SPATA31C2: variants seen among roughly 807,000 people sequenced by gnomAD.
SPATA31C2 encodes spermatogenesis-associated protein 31C2.
A neutral mutation model predicts 11.4 loss-of-function variants in SPATA31C2; 5 were observed. The ratio of observed to expected loss-of-function variants is 0.44; its 90% CI spans 0.23 to 0.92. The LOEUF is 0.92. SPATA31C2 is among the 40% of genes least tolerant of loss of function. The probability of loss-of-function intolerance (pLI) is 0.24; values close to 1 mark genes in which losing one functional copy is unlikely to be tolerated. For synonymous variants in SPATA31C2, 515 were observed against 538.7 expected (o/e 0.96, Z 0.61); for missense variants, 1,353 against 1,368.6 (o/e 0.99, Z 0.18).
In SPATA31C2 at chr9:88,133,942, A is replaced by G. The variant is rs886406741; in HGVS notation, c.190-273T>C. On this transcript the variant is annotated intron_variant, in intron 1 of 3. Coordinates refer to ENST00000324915, the MANE Select transcript of SPATA31C2 (RefSeq NM_001350978.3). The stretch of plus-strand genomic sequence containing the variant: ...GAGGCTGAGGCAGGTGGATCACCTG[A>G]GGTCAAGAGTTTGAGACCAGCCTAG... 5.9e-5 allele frequency among the ~76,000 whole-genome samples: 9 copies of G among 152,136 alleles called. No individual in the cohort carries two copies. In the South Asian group the frequency reaches 6.2e-4, roughly 11 times the overall value.
Position 88,130,700 on chromosome 9 carries a change from G to C in SPATA31C2, c.2337C>G (p.Gly779=), listed in dbSNP as rs1303700721. Reference sequence around the variant, plus strand: ...CTAAGCTCCTGCTCTGCTGGGTGCTGCCTGTGAGGCTGTATGTGAGGGGCT... The same window carrying C: ...CTAAGCTCCTGCTCTGCTGGGTGCTCCCTGTGAGGCTGTATGTGAGGGGCT... ...PSKPLTYSLT[G]STQQSRSLGA... is the part of the protein sequence containing the mutation. Residue 779 remains glycine, a synonymous_variant, in exon 4 of 4, where the codon GGC becomes GGG. Coordinates refer to ENST00000324915, the MANE Select transcript of SPATA31C2 (RefSeq NM_001350978.3). 2 of 1,613,934 alleles carry C rather than the reference G, an allele frequency of 1.2e-6. No individual in the cohort carries two copies. The highest frequency in any genetic ancestry group is 4.5e-5 in the East Asian group (2 of 44,860).
chr9:88,131,927 G>T lies in SPATA31C2; in HGVS notation c.1110C>A (p.Ser370=). ...AAGCTACTCCAGTGTTCTTCATCGG[G>T]GATAGAAAAGCAGGAGATAGGACTG... is the stretch of plus-strand genomic sequence containing the variant. The part of the protein sequence containing the change: ...SFPVLSPAFL[S]PMKNTGVACP... Residue 370 remains serine (S), a synonymous_variant, in exon 4 of 4, where the codon TCC becomes TCA. Transcript: ENST00000324915. 6.2e-7 allele frequency: 1 copy of T among 1,610,522 alleles called. No individual in the cohort carries two copies. The highest frequency in any genetic ancestry group is 1.9e-4 in the Middle Eastern group (1 of 5,130).
In SPATA31C2 at chr9:88,130,275, A is replaced by C; in HGVS notation, c.2762T>G (p.Leu921Arg). The C allele has an allele frequency of 6.2e-7, 1 of 1,609,408 alleles. No individual in the cohort carries two copies. The highest frequency in any genetic ancestry group is 8.5e-7 in the Non-Finnish European group (1 of 1,178,648). Residue 921 changes from leucine to arginine, a missense_variant, in exon 4 of 4, where the codon CTC (leucine) becomes CGC (arginine). Leu to Arg is a moderately radical substitution (Grantham distance 102). Coordinates refer to ENST00000324915, the MANE Select transcript of SPATA31C2 (RefSeq NM_001350978.3). ...CATGTTACTCCTTCTGGCTGACATGAGGTCACATAGCTCCTGGGAAGCCTG... is the reference window on the plus strand; with the variant it reads ...CATGTTACTCCTTCTGGCTGACATGCGGTCACATAGCTCCTGGGAAGCCTG... ...NMQASQELCD[L>R]MSARRSNMGH...
At position 88,129,746 on chromosome 9, in the gene SPATA31C2, T is replaced by A. The variant is rs1310054508; in HGVS notation, c.3291A>T (p.Arg1097Ser). 2.5e-6 allele frequency: 4 copies of A among 1,603,722 alleles called. No individual in the cohort carries two copies. In the African/African-American group the frequency reaches 5.4e-5, roughly 21 times the overall value. ...TGCTGTGTTCTGAGTAGAACGGGTG[T>A]CTGTGGTTGCAGGGAAACCCACAGA... is the stretch of plus-strand genomic sequence containing the variant. ...APVCGFPCNH[R>S]HPFYSEHSRM... Residue 1097 changes from arginine to serine, a missense_variant, in exon 4 of 4, where the codon AGA becomes AGT. Arg to Ser is a moderately radical substitution (Grantham distance 110). Around this residue, in one of 6 missense-constraint regions of SPATA31C2, gnomAD observed 187 missense variants for 205.8 expected, o/e 0.91. Transcript: ENST00000324915.
rs765524763 is a variant in SPATA31C2 at position 88,130,396 on chromosome 9, G to T, written c.2641C>A (p.Pro881Thr). 1.2e-6 allele frequency: 2 copies of T among 1,611,716 alleles called. No individual in the cohort carries two copies. Among genetic ancestry groups the T allele is most frequent in the African/African-American group, 1.3e-5 (1 of 74,956 alleles). The part of the protein sequence containing the change: ...PQVSATVVLL[P>T]DGQASVVPHA... The stretch of plus-strand genomic sequence containing the variant: ...GGCACAACAGATGCTTGCCCATCTG[G>T]AAGGAGCACAACAGTGGCAGAAACT... The change falls in exon 4 of 4, where the codon CCA becomes ACA. Residue 881 changes from proline (P) to threonine (T), a missense_variant. Pro to Thr is a conservative substitution (Grantham distance 38, BLOSUM62 -1). This residue lies in a region of SPATA31C2 where 1,075 missense variants were observed against 992.8 expected (regional missense o/e 1.08). Transcript: ENST00000324915.
At chr9:88,135,763 C>T (rs1465620243) in intron 1 of SPATA31C2, among the ~76,000 whole-genome samples, 20 of 136,816 alleles carry the variant, frequency 1.5e-4, no homozygotes, top group African/African-American at 4.7e-4. Context: ...GTGATCTGCC[C>T]GCCTCTGCCT....
rs771362683 is a variant in SPATA31C2 at position 88,131,319 on chromosome 9, T to C, written c.1718A>G (p.Glu573Gly). 2.5e-6 allele frequency: 4 copies of C among 1,611,900 alleles called. No homozygotes were observed. Among genetic ancestry groups the C allele is most frequent in the Non-Finnish European group, 2.5e-6 (3 of 1,179,862 alleles). ...GCTCATGTGGGCTTTCAGGATGTTTTCTATATGATTCCTCTCTGTGCGTCT... is the reference window on the plus strand; with the variant it reads ...GCTCATGTGGGCTTTCAGGATGTTTCCTATATGATTCCTCTCTGTGCGTCT... ...LLRRTERNHIENILKAHMSRK... is the reference protein window; with the variant it reads ...LLRRTERNHIGNILKAHMSRK... Residue 573 changes from glutamate to glycine, a missense_variant, in exon 4 of 4, where the codon GAA becomes GGA. Around this residue, in one of 6 missense-constraint regions of SPATA31C2, gnomAD observed 1,075 missense variants for 992.8 expected, o/e 1.08. Transcript: ENST00000324915.
Position 88,130,431 on chromosome 9 carries a change from G to A in SPATA31C2, c.2606C>T (p.Thr869Ile). ...FEPGKATKSETQPQVSATVVL... is the reference protein window; with the variant it reads ...FEPGKATKSEIQPQVSATVVL... ...AACAGTGGCAGAAACTTGAGGCTGG[G>A]TCTCTGACTTCGTGGCCTTTCCAGG... Residue 869 changes from threonine (T) to isoleucine (I), a missense_variant, in exon 4 of 4, where the codon ACC (threonine) becomes ATC (isoleucine). Thr to Ile is a moderately conservative substitution (Grantham distance 89, BLOSUM62 -1). Around this residue, in one of 6 missense-constraint regions of SPATA31C2, gnomAD observed 1,075 missense variants for 992.8 expected, o/e 1.08. Coordinates refer to ENST00000324915, the MANE Select transcript of SPATA31C2 (RefSeq NM_001350978.3). The A allele has an allele frequency of 6.2e-7, 1 of 1,612,976 alleles. No individual in the cohort carries two copies. The highest frequency in any genetic ancestry group is 1.1e-5 in the South Asian group (1 of 91,038).
chr9:88,130,980 G>A lies in SPATA31C2; in HGVS notation c.2057C>T (p.Ala686Val). 6.2e-7 allele frequency: 1 copy of A among 1,612,696 alleles called. No homozygotes were observed. The highest frequency in any genetic ancestry group is 2.2e-5 in the East Asian group (1 of 44,870). Residue 686 changes from alanine to valine, a missense_variant, in exon 4 of 4, where the codon GCT becomes GTT. Around this residue, in one of 6 missense-constraint regions of SPATA31C2, gnomAD observed 1,075 missense variants for 992.8 expected, o/e 1.08. Coordinates refer to ENST00000324915, the MANE Select transcript of SPATA31C2 (RefSeq NM_001350978.3). ...TTCGCAGGTGTCTGAGGAGGGACCAGCAAGCTGTATAAGGGACAAGGATGA... is the reference window on the plus strand; with the variant it reads ...TTCGCAGGTGTCTGAGGAGGGACCAACAAGCTGTATAAGGGACAAGGATGA... ...KVSSLSLIQL[A>V]GPSSDTCESG...
chr9:88,131,950 C>A lies in SPATA31C2; in HGVS notation c.1087G>T (p.Val363Phe), dbSNP rs779742712. 3.7e-6 allele frequency: 6 copies of A among 1,610,844 alleles called. No individual in the cohort carries two copies. In the African/African-American group the frequency reaches 8.0e-5, roughly 22 times the overall value. ...AQAHLQSSFPVLSPAFLSPMK... is the reference protein window; with the variant it reads ...AQAHLQSSFPFLSPAFLSPMK... ...GGGGATAGAAAAGCAGGAGATAGGACTGGGAAAGAGGATTGAAGATGGGCC... is the reference window on the plus strand; with the variant it reads ...GGGGATAGAAAAGCAGGAGATAGGAATGGGAAAGAGGATTGAAGATGGGCC... Residue 363 changes from valine to phenylalanine, a missense_variant, in exon 4 of 4, where the codon GTC (valine) becomes TTC (phenylalanine). By Grantham distance (50) the Val-to-Phe change is conservative. Transcript: ENST00000324915.
In SPATA31C2 at chr9:88,131,611, A is replaced by G. The variant is rs748301251; in HGVS notation, c.1426T>C (p.Leu476=). ...SLDLMQLQDE[L]PGTSQAKGKP... is the part of the protein sequence containing the mutation. ...CCCTTGGCCTGACTTGTCCCTGGCA[A>G]TTCATCCTGAAGCTGCATCAGATCC... Residue 476 remains leucine (L), a synonymous_variant, in exon 4 of 4, where the codon TTG becomes CTG. Coordinates refer to ENST00000324915, the MANE Select transcript of SPATA31C2 (RefSeq NM_001350978.3). The G allele has an allele frequency of 2.0e-5, 33 of 1,611,900 alleles. No individual in the cohort carries two copies. The South Asian group carries it at 3.1e-4, about 15-fold the overall frequency.
In SPATA31C2 at chr9:88,130,010, A is replaced by G. The variant is rs766486933; in HGVS notation, c.3027T>C (p.Phe1009=). 16 of 1,608,786 alleles carry G rather than the reference A, an allele frequency of 9.9e-6. No homozygotes were observed. The highest frequency in any genetic ancestry group is 1.4e-5 in the Non-Finnish European group (16 of 1,176,794). The change falls in exon 4 of 4, where the codon TTT becomes TTC. Residue 1009 remains phenylalanine (F), a synonymous_variant. Transcript: ENST00000324915. ...GAAAAAATTGCTTGATGTTTTCTCC[A>G]AAGTGGCTTATTGAAGGAGGCTGTT... The part of the protein sequence containing the change: ...SKKQPPSISH[F]GENIKQFFQT...
chr9:88,132,533 A>G lies in SPATA31C2; in HGVS notation c.504T>C (p.Pro168=). ...GTGGTGGGGTGGAGGCCAGATCCTGAGGATGCTTGGTTCGAGGATCCGGGG... is the reference window on the plus strand; with the variant it reads ...GTGGTGGGGTGGAGGCCAGATCCTGGGGATGCTTGGTTCGAGGATCCGGGG... ...LASPDPRTKH[P]QDLASTPPPG... is the part of the protein sequence containing the mutation. The change falls in exon 4 of 4, where the codon CCT becomes CCC. Residue 168 remains proline (P), a synonymous_variant. Transcript: ENST00000324915. 1 of 1,610,734 alleles carries G rather than the reference A, an allele frequency of 6.2e-7. No homozygotes were observed. Among genetic ancestry groups the G allele is most frequent in the Non-Finnish European group, 8.5e-7 (1 of 1,177,870 alleles).
Position 88,130,443 on chromosome 9 carries a change from G to C in SPATA31C2, c.2594C>G (p.Thr865Arg), listed in dbSNP as rs747234593. 2.5e-6 allele frequency: 4 copies of C among 1,613,116 alleles called. No homozygotes were observed. Among genetic ancestry groups the C allele is most frequent in the Non-Finnish European group, 3.4e-6 (4 of 1,179,512 alleles). Reference protein sequence around the residue: ...AVSEFEPGKATKSETQPQVSA... With the variant: ...AVSEFEPGKARKSETQPQVSA... ...AACTTGAGGCTGGGTCTCTGACTTC[G>C]TGGCCTTTCCAGGCTCAAATTCACT... is the stretch of plus-strand genomic sequence containing the variant. Residue 865 changes from threonine (T) to arginine (R), a missense_variant, in exon 4 of 4, where the codon ACG becomes AGG. This residue lies in a region of SPATA31C2 where 1,075 missense variants were observed against 992.8 expected (regional missense o/e 1.08). Transcript: ENST00000324915.
At chr9:88,137,830 A>G (rs1825700607) in intron 1 of SPATA31C2, among the ~76,000 whole-genome samples, 1 of 84,432 alleles carries the variant, frequency 1.2e-5, no homozygotes, top group African/African-American at 8.9e-5. Flanking sequence ...CACAGGCCCC[A>G]TATCACCCCA....
Position 88,130,844 on chromosome 9 carries a change from A to T in SPATA31C2, c.2193T>A (p.Leu731=). ...GCTTACATGCAGGTGAGGAGGCCTG[A>T]AGCCTCTCTGGCATGTGAACAGATG... ...TKPSVHMPER[L]QASSPACKQF... Residue 731 remains leucine, a synonymous_variant, in exon 4 of 4, where the codon CTT becomes CTA. Coordinates refer to ENST00000324915, the MANE Select transcript of SPATA31C2 (RefSeq NM_001350978.3). 6.2e-7 allele frequency: 1 copy of T among 1,613,478 alleles called. No homozygotes were observed. Among genetic ancestry groups the T allele is most frequent in the Non-Finnish European group, 8.5e-7 (1 of 1,179,868 alleles).
chr9:88,133,678 C>T lies in SPATA31C2; in HGVS notation c.190-9G>A. The T allele has an allele frequency of 6.2e-7, 1 of 1,602,770 alleles. No individual in the cohort carries two copies. The highest frequency in any genetic ancestry group is 8.5e-7 in the Non-Finnish European group (1 of 1,172,332). Reference sequence around the variant, plus strand: ...TGGGAGACAAGATGACGCTGGGAGACAAGAAATGGCGAGGAGCTAGGACCG... The same window carrying T: ...TGGGAGACAAGATGACGCTGGGAGATAAGAAATGGCGAGGAGCTAGGACCG... On this transcript the variant is annotated splice_polypyrimidine_tract_variant and intron_variant, in intron 1 of 3. Coordinates refer to ENST00000324915, the MANE Select transcript of SPATA31C2 (RefSeq NM_001350978.3).
Position 88,129,844 on chromosome 9 carries a change from C to T in SPATA31C2, c.3193G>A (p.Glu1065Lys), listed in dbSNP as rs377088833. Residue 1065 changes from glutamate (E) to lysine (K), a missense_variant, in exon 4 of 4, where the codon GAG (glutamate) becomes AAG (lysine). Coordinates refer to ENST00000324915, the MANE Select transcript of SPATA31C2 (RefSeq NM_001350978.3). ...LMTAVGQILE[E>K]NMSLCHARHA... ...CGCGCATGGCAAAGTGACATGTTCT[C>T]CTCCAGTATCTGTCCAACTGCTGTC... is the stretch of plus-strand genomic sequence containing the variant. 5.6e-6 allele frequency: 9 copies of T among 1,604,770 alleles called. No individual in the cohort carries two copies. The highest frequency in any genetic ancestry group is 4.0e-5 in the African/African-American group (3 of 74,702).
At chr9:88,137,847 A>G (rs1191344558) in intron 1 of SPATA31C2, among the ~76,000 whole-genome samples, 1 of 91,144 alleles carries the variant, frequency 1.1e-5, no homozygotes, top group African/African-American at 8.1e-5. Flanking sequence ...CCCACACAGA[A>G]GAGGCTGGGT....
Sources: allele counts gnomAD v4.1 joint callset (sites outside exome capture counted in the v4.1 genomes callset), GRCh38; gene constraint gnomAD v4.1.1; regional missense constraint gnomAD v4.1.1; transcripts MANE v1.5; gene names NCBI Gene and HGNC (gene_info 2026-07-23, HGNC 2026-07-21).